The following ACVR1 variants were observed in gnomAD, a reference collection of about 807,000 sequenced individuals.
The protein encoded by ACVR1 is activin receptor type-1.
ACVR1 carries 38 observed loss-of-function variants against 57.1 expected under a neutral mutation model. That is an observed-to-expected ratio of 0.67 (90% CI 0.51 to 0.87). The LOEUF (loss-of-function observed/expected upper bound fraction) is 0.87, where lower values mean the gene tolerates loss of function less well. ACVR1 is among the 40% of genes least tolerant of loss of function. The pLI is 0.00. For synonymous variants in ACVR1, 212 were observed against 228.1 expected (o/e 0.93, Z 0.63); for missense variants, 463 against 638.2 (o/e 0.73, Z 2.96).
intron 1 of ACVR1, among the ~76,000 whole-genome samples, chr2:157,846,780 A>T (rs1241706307): frequency 1.3e-5 from 2 of 152,248 alleles, no homozygotes; most frequent in African/African-American, 4.8e-5. Context: ...TTCACTGTAT[A>T]GATTCTATAC....
chr2:157,857,219 G>A (rs1689564879), intron 1 of ACVR1, among the ~76,000 whole-genome samples: 1 of 151,934 alleles, frequency 6.6e-6, no homozygotes, highest in Non-Finnish European at 1.5e-5. Flanking sequence ...GAAAGAAAAA[G>A]AAAATACACA....
rs535000677 is a variant in ACVR1, at chr2:157,779,991, A to G, written c.331+346T>C. 5.3e-5 allele frequency among the ~76,000 whole-genome samples: 8 copies of G among 152,336 alleles called. No homozygotes were observed. The East Asian group carries it at 1.5e-3, about 29-fold the overall frequency. On this transcript the variant is annotated intron_variant, in intron 4 of 10. Transcript: ENST00000434821. ...CACAGAGATGAGTATTTACTAGCAG[A>G]ATTGTTTCAGAAATTATGAATGACA...
chr2:157,866,648 A>T (rs1689948312), intron 1 of ACVR1, among the ~76,000 whole-genome samples: 1 of 152,252 alleles, frequency 6.6e-6, no homozygotes, highest in South Asian at 2.1e-4. Context: ...AATAAGGCTC[A>T]GTGAAATAGG....
intron 5 of ACVR1, among the ~76,000 whole-genome samples, chr2:157,774,868 A>G (rs780123677): frequency 6.6e-6 from 1 of 150,652 alleles, no homozygotes; most frequent in Non-Finnish European, 1.5e-5. Context: ...AGTAGAGAGA[A>G]TAGCAGGTGG....
chr2:157,847,119 G>A (rs532458869), intron 1 of ACVR1, among the ~76,000 whole-genome samples: 1 of 152,226 alleles, frequency 6.6e-6, no homozygotes, highest in South Asian at 2.1e-4. Flanking sequence ...GCACAGGAGA[G>A]TATCTTTCAA....
intron 5 of ACVR1, among the ~76,000 whole-genome samples, chr2:157,775,587 G>C (rs902107813): frequency 2.0e-5 from 3 of 152,098 alleles, no homozygotes; most frequent in Admixed American, 1.3e-4. Flanking sequence ...AGCATCCAAC[G>C]GAAGAAATTT....
chr2:157,803,183 A>G (rs1208336897), intron 2 of ACVR1, among the ~76,000 whole-genome samples: 1 of 152,156 alleles, frequency 6.6e-6, no homozygotes, highest in Admixed American at 6.5e-5. Context: ...AAGCCAGCAA[A>G]AGCCCACGTC....
chr2:157,775,597 T>G (rs1476155780), intron 5 of ACVR1, among the ~76,000 whole-genome samples: 1 of 152,200 alleles, frequency 6.6e-6, no homozygotes, highest in South Asian at 2.1e-4. Flanking sequence ...GGAAGAAATT[T>G]AGAACCCTTA....
chr2:157,783,218 T>C (rs1686592751), intron 3 of ACVR1, among the ~76,000 whole-genome samples: 1 of 152,230 alleles, frequency 6.6e-6, no homozygotes. Context: ...TTCTCTAATG[T>C]GCTCTCAAAA....
At chr2:157,765,871 T>A (rs1685843641) in intron 8 of ACVR1, 50 bp downstream of exon 8, 2 of 1,598,738 alleles carry the variant, frequency 1.3e-6, no homozygotes, top group Admixed American at 1.7e-5. Flanking sequence ...CACCTAACCA[T>A]TGAAACAAAA....
chr2:157,808,686 A>T (rs1006187632), intron 2 of ACVR1, among the ~76,000 whole-genome samples: 15 of 152,188 alleles, frequency 9.9e-5, no homozygotes, highest in African/African-American at 2.9e-4. Context: ...TTGAATATAC[A>T]TCTCCTACAA....
intron 3 of ACVR1, among the ~76,000 whole-genome samples, chr2:157,784,644 A>G (rs2105287014): frequency 6.6e-6 from 1 of 152,362 alleles, no homozygotes; most frequent in South Asian, 2.1e-4. Context: ...GCTGGCTGGG[A>G]ACAGCAGGGA....
chr2:157,748,875 T>C (rs1685071582), intron 9 of ACVR1, among the ~76,000 whole-genome samples: 1 of 152,156 alleles, frequency 6.6e-6, no homozygotes, highest in Non-Finnish European at 1.5e-5. Flanking sequence ...AAAATTATGA[T>C]TGCCCACAAA....
rs7567135 is a variant in ACVR1, at chr2:157,761,196, C to G, written c.1067-119G>C. The stretch of plus-strand genomic sequence containing the variant: ...TCTTGTGGATCCAGGGTCACTGTTG[C>G]AATACACTCAGAATGATCCCTAGAA... On this transcript the variant is annotated intron_variant, in intron 8 of 10. Coordinates refer to ENST00000434821, the MANE Select transcript of ACVR1 (RefSeq NM_001111067.4). The G allele has an allele frequency of 2.1e-4, 184 of 883,872 alleles. No homozygotes were observed. In the African/African-American group the frequency reaches 2.8e-3, roughly 13 times the overall value. The allele number at this position is 883,872 out of a possible 1,614,324, so 54.8% of individuals were successfully genotyped here.
At chr2:157,765,238 G>C (rs1391519508) in intron 8 of ACVR1, among the ~76,000 whole-genome samples, 1 of 152,064 alleles carries the variant, frequency 6.6e-6, no homozygotes, top group Non-Finnish European at 1.5e-5. Context: ...ATCCTAACAG[G>C]GAAAAGAGTG....
chr2:157,839,133 G>A (rs1688889078), intron 1 of ACVR1, among the ~76,000 whole-genome samples: 2 of 152,134 alleles, frequency 1.3e-5, no homozygotes, highest in South Asian at 4.2e-4. Context: ...CTCACTGTCT[G>A]AGCCACAGGC....
chr2:157,792,100 A>G (rs773117782), intron 3 of ACVR1, among the ~76,000 whole-genome samples: 4 of 151,962 alleles, frequency 2.6e-5, no homozygotes, highest in Non-Finnish European at 5.9e-5. Context: ...CCCCACCCCA[A>G]TCCCCCAAAT....
intron 1 of ACVR1, among the ~76,000 whole-genome samples, chr2:157,862,330 G>A (rs1305140586): frequency 6.6e-6 from 1 of 151,760 alleles, no homozygotes. Flanking sequence ...AATATTTTGT[G>A]TACTCTCTAT....
At chr2:157,866,467 T>C (rs1210409549) in intron 1 of ACVR1, among the ~76,000 whole-genome samples, 1 of 152,158 alleles carries the variant, frequency 6.6e-6, no homozygotes, top group East Asian at 1.9e-4. Context: ...TTCTCTGAAT[T>C]TGAAAAGGAC....
Sources: gnomAD v4.1 joint callset for allele counts (sites outside exome capture counted in the v4.1 genomes callset) on GRCh38, gnomAD v4.1.1 for gene constraint, MANE v1.5 for transcripts, NCBI Gene and HGNC (gene_info 2026-07-23, HGNC 2026-07-21) for gene names.